ERN1: variants seen among roughly 807,000 people sequenced by gnomAD.
ERN1 encodes the protein serine/threonine-protein kinase/endoribonuclease IRE1.
ERN1 carries 39 observed loss-of-function variants against 113.1 expected under a neutral mutation model. The observed-to-expected ratio is 0.34, with a 90% CI of 0.27 to 0.45. The LOEUF (loss-of-function observed/expected upper bound fraction) is 0.45. Ranked by LOEUF, ERN1 falls within the 20% of genes least tolerant of loss-of-function variation. The probability of loss-of-function intolerance (pLI) is 1.00; values close to 1 mark genes in which losing one functional copy is unlikely to be tolerated. For missense variants in ERN1, 976 were observed against 1,274.8 expected (o/e 0.77, Z 3.57); for synonymous variants, 507 against 515.9 (o/e 0.98, Z 0.23).
At position 64,068,218 on chromosome 17, in the gene ERN1, G is replaced by T. The variant is rs774779001; in HGVS notation, c.552C>A (p.Ala184=). The change falls in exon 7 of 22, where the codon GCC becomes GCA. Residue 184 remains alanine (A), a synonymous_variant. Coordinates refer to ENST00000433197, the MANE Select transcript of ERN1 (RefSeq NM_001433.5). ...RWNATYFDYA[A]SLPEDDVDYK... Reference sequence around the variant, plus strand: ...AGTCCACGTCGTCCTCAGGCAGTGAGGCCGCATAGTCAAAGTAGGTGGCAT... The same window carrying T: ...AGTCCACGTCGTCCTCAGGCAGTGATGCCGCATAGTCAAAGTAGGTGGCAT... The T allele has an allele frequency of 6.2e-7, 1 of 1,611,714 alleles. No individual in the cohort carries two copies. The highest frequency in any genetic ancestry group is 8.5e-7 in the Non-Finnish European group (1 of 1,178,960).
At chr17:64,050,668 T>A (rs989683129) in intron 17 of ERN1, among the ~76,000 whole-genome samples, 8 of 152,110 alleles carry the variant, frequency 5.3e-5, no homozygotes, top group African/African-American at 1.9e-4. Context: ...GGTACAGAAG[T>A]GTGCTTAATG....
intron 1 of ERN1, among the ~76,000 whole-genome samples, chr17:64,109,924 G>T (rs1485681224): frequency 6.6e-6 from 1 of 152,186 alleles, no homozygotes; most frequent in Non-Finnish European, 1.5e-5. Context: ...TGGGGTAGAT[G>T]AAGATCAGCA....
chr17:64,088,234 T>A (rs572414956), intron 2 of ERN1, among the ~76,000 whole-genome samples: 12 of 152,160 alleles, frequency 7.9e-5, no homozygotes, highest in Non-Finnish European at 1.5e-4. Flanking sequence ...GGACTCTAGA[T>A]GACCTCTGGC....
At chr17:64,070,453 T>C (rs911522172) in intron 6 of ERN1, among the ~76,000 whole-genome samples, 15 of 152,216 alleles carry the variant, frequency 9.9e-5, no homozygotes, top group Admixed American at 8.5e-4. Flanking sequence ...TTTTTATATC[T>C]GGATGAAGCT....
At chr17:64,126,630 A>T (rs1915088163) in intron 1 of ERN1, among the ~76,000 whole-genome samples, 1 of 152,200 alleles carries the variant, frequency 6.6e-6, no homozygotes, top group South Asian at 2.1e-4. Flanking sequence ...GAAACAATAC[A>T]CATGTGCACA....
At chr17:64,045,564 A>G (rs932421746) in intron 19 of ERN1, 82 bp from the exon 20 acceptor site, 10 of 1,575,274 alleles carry the variant, frequency 6.3e-6, no homozygotes, top group Non-Finnish European at 8.7e-6. Flanking sequence ...GTAACAGATC[A>G]TCACTGACAC....
At chr17:64,129,537 G>A (rs1915175290) in intron 1 of ERN1, 1 of 337,898 alleles carries the variant, frequency 3.0e-6, no homozygotes, top group South Asian at 1.5e-4. Flanking sequence ...CCTTCCCCTG[G>A]ATCCCAACGC....
chr17:64,096,628 G>A lies in ERN1; in HGVS notation c.175+1493C>T, dbSNP rs140877710. 5.9e-5 allele frequency among the ~76,000 whole-genome samples: 9 copies of A among 152,334 alleles called. No homozygotes were observed. In the East Asian group the frequency reaches 1.7e-3, roughly 29 times the overall value. On this transcript the variant is annotated intron_variant, in intron 2 of 21. Coordinates refer to ENST00000433197, the MANE Select transcript of ERN1 (RefSeq NM_001433.5). ...CCTGATGCAAAAAAGGTTGGGCACTGCTGCTATACAGTATCTCTCACATTC... is the reference window on the plus strand; with the variant it reads ...CCTGATGCAAAAAAGGTTGGGCACTACTGCTATACAGTATCTCTCACATTC...
intron 5 of ERN1, among the ~76,000 whole-genome samples, chr17:64,072,445 C>T (rs146590892): frequency 2.3e-4 from 35 of 152,352 alleles, no homozygotes; most frequent in African/African-American, 8.2e-4. Flanking sequence ...AATCCTTTTC[C>T]CGTGGACTGG....
intron 1 of ERN1, among the ~76,000 whole-genome samples, chr17:64,111,648 C>T (rs894625814): frequency 1.3e-5 from 2 of 152,164 alleles, no homozygotes; most frequent in South Asian, 2.1e-4. Context: ...TGAGCCATCG[C>T]GCCCGGCCAG....
Position 64,040,185 on chromosome 17 carries a change from C to T in ERN1, c.*3803G>A, listed in dbSNP as rs368897667. 4.6e-5 allele frequency: 7 copies of T among 152,414 alleles called. 1 individual carries two copies. In the East Asian group the frequency reaches 1.4e-3, roughly 29 times the overall value. 9.4% of individuals were successfully genotyped at this position (152,414 alleles called of 1,614,324 possible). On this transcript the variant is annotated 3_prime_UTR_variant, in exon 22 of 22. Transcript: ENST00000433197. ...ATTCAAAGAAAGGCAATCTCAGACA[C>T]TAAAAGAGCAGAGAGAGAAAGCGAC...
intron 2 of ERN1, among the ~76,000 whole-genome samples, chr17:64,092,346 C>T (rs765833140): frequency 1.3e-5 from 2 of 152,054 alleles, no homozygotes; most frequent in Non-Finnish European, 2.9e-5. Flanking sequence ...TGGCAAGAGG[C>T]ACATGTTTAG....
intron 1 of ERN1, among the ~76,000 whole-genome samples, chr17:64,116,554 T>C (rs1567887100): frequency 1.3e-5 from 2 of 152,048 alleles, no homozygotes; most frequent in Non-Finnish European, 2.9e-5. Context: ...CCCAAATTTG[T>C]TCTTAGAACT....
intron 15 of ERN1, chr17:64,053,965 G>A: frequency 3.1e-6 from 1 of 319,988 alleles, no homozygotes; most frequent in Admixed American, 4.5e-5. Flanking sequence ...AATTTGACGG[G>A]GTCTCACTCT....
chr17:64,044,135 G>A lies in ERN1; in HGVS notation c.2787C>T (p.Phe929=), dbSNP rs1912431022. The change falls in exon 22 of 22, where the codon TTC becomes TTT. Residue 929 remains phenylalanine, a synonymous_variant. Coordinates refer to ENST00000433197, the MANE Select transcript of ERN1 (RefSeq NM_001433.5). The surrounding 1 kb of genome is among the most constrained non-coding windows in gnomAD (Gnocchi z 4.1). The part of the protein sequence containing the change: ...RETLGSLPDD[F]VCYFTSRFPH... ...GGAAGCGAGATGTGAAGTAGCACAC[G>A]AAGTCGTCGGGGAGGGACCCCAGCG... 1.2e-6 allele frequency: 2 copies of A among 1,607,892 alleles called. No homozygotes were observed. The highest frequency in any genetic ancestry group is 1.7e-6 in the Non-Finnish European group (2 of 1,176,410).
rs79773538 is a variant in ERN1, at chr17:64,041,782, C to T, written c.*2206G>A. 12,943 of 152,306 alleles carry T rather than the reference C, an allele frequency of 0.085. 610 individuals are homozygous for T. The highest frequency in any genetic ancestry group is 0.098 in the African/African-American group (4,058 of 41,550). The allele number at this position is 152,306 out of a possible 1,614,324, so 9.4% of individuals were successfully genotyped here. A position where few individuals can be genotyped will look rare whatever the true frequency, so the allele number is the denominator to read the frequency against. On this transcript the variant is annotated 3_prime_UTR_variant, in exon 22 of 22. Transcript: ENST00000433197. ...AAGCAGAAGTTTTGCCTGTCTTGTTCATCGCTGTATCTCCGGCACCCTATA... is the reference window on the plus strand; with the variant it reads ...AAGCAGAAGTTTTGCCTGTCTTGTTTATCGCTGTATCTCCGGCACCCTATA...
chr17:64,114,038 G>A (rs1914741639), intron 1 of ERN1, among the ~76,000 whole-genome samples: 1 of 149,394 alleles, frequency 6.7e-6, no homozygotes, highest in East Asian at 2.0e-4. Flanking sequence ...AATTCCATGG[G>A]CTTTCAAAGA....
intron 17 of ERN1, among the ~76,000 whole-genome samples, chr17:64,050,118 T>G (rs1363577197): frequency 6.6e-6 from 1 of 152,162 alleles, no homozygotes; most frequent in Non-Finnish European, 1.5e-5. Context: ...AAGCTCAGGG[T>G]CACTGCTGGA....
chr17:64,124,444 G>A (rs532429678), intron 1 of ERN1, among the ~76,000 whole-genome samples: 1 of 152,268 alleles, frequency 6.6e-6, no homozygotes, highest in South Asian at 2.1e-4. Context: ...GCTGTTGGAG[G>A]GACCCCGTGG....
Sources: allele counts gnomAD v4.1 joint callset (sites outside exome capture counted in the v4.1 genomes callset), GRCh38; gene constraint gnomAD v4.1.1; non-coding constraint Gnocchi (gnomAD v3.1); transcripts MANE v1.5; gene names NCBI Gene and HGNC (gene_info 2026-07-23, HGNC 2026-07-21).